The following USP9X variants were observed in gnomAD, a reference collection of about 807,000 sequenced individuals.
USP9X encodes the protein ubiquitin specific peptidase 9 X-linked, also known as ubiquitin carboxyl-terminal hydrolase 9X.
USP9X carries 7 observed loss-of-function variants against 190.3 expected under a neutral mutation model. The observed-to-expected ratio is 0.04, with a 90% CI of 0.02 to 0.07. The LOEUF (loss-of-function observed/expected upper bound fraction) is 0.07, where lower values mean the gene tolerates loss of function less well. USP9X is among the 10% of genes least tolerant of loss of function. The pLI is 1.00. For missense variants in USP9X, 1,010 were observed against 1,916.9 expected (o/e 0.53, Z 8.83); for synonymous variants, 645 against 659.5 (o/e 0.98, Z 0.34).
intron 6 of USP9X, among the ~76,000 whole-genome samples, chrX:41,139,849 C>G (rs1418149711): frequency 9.0e-6 from 1 of 111,589 alleles, no homozygotes; most frequent in Non-Finnish European, 1.9e-5. Flanking sequence ...CCAGTGGCTT[C>G]TAAAACATGG....
At chrX:41,163,827 G>A (rs1351595525) in intron 15 of USP9X, among the ~76,000 whole-genome samples, 1 of 110,673 alleles carries the variant, frequency 9.0e-6, no homozygotes, top group African/African-American at 3.3e-5. Context: ...GATTACAAGT[G>A]TGCTAACAGA....
At chrX:41,163,211 A>G (rs72624299) in intron 15 of USP9X, among the ~76,000 whole-genome samples, 1 of 111,405 alleles carries the variant, frequency 9.0e-6, no homozygotes. Flanking sequence ...TATCATAGAC[A>G]CTAAGGAAAC....
chrX:41,125,678 A>ACCCTCTCTCT (rs1353372304), intron 2 of USP9X, among the ~76,000 whole-genome samples: 1 of 33,892 alleles, frequency 3.0e-5, no homozygotes, highest in Admixed American at 5.1e-4. Flanking sequence ...ACACACACAC[A>ACCCTCTCTCT]CACACACTCT....
chrX:41,095,279 G>A, intron 1 of USP9X, among the ~76,000 whole-genome samples: 1 of 111,887 alleles, frequency 8.9e-6, no homozygotes, highest in Admixed American at 9.5e-5. Context: ...GGCATTGGGT[G>A]AGGTCTTCAA....
intron 1 of USP9X, among the ~76,000 whole-genome samples, chrX:41,097,503 T>C (rs1396738633): frequency 8.9e-6 from 1 of 111,978 alleles, no homozygotes; most frequent in Non-Finnish European, 1.9e-5. Flanking sequence ...CTTTTGTTTA[T>C]GTGGGGTTAC....
intron 1 of USP9X, among the ~76,000 whole-genome samples, chrX:41,111,919 C>T (rs1172254147): frequency 7.5e-5 from 8 of 107,188 alleles, no homozygotes; most frequent in African/African-American, 2.7e-4. Context: ...AATCTTGGCT[C>T]ACTGCAACCT....
At chrX:41,179,236 A>AT (rs202224467) in intron 21 of USP9X, among the ~76,000 whole-genome samples, 3,943 of 110,967 alleles carry the variant, frequency 0.036, 176 homozygotes, top group African/African-American at 0.12. Context: ...TGTTTTTTGT[A>AT]TTTTTTTGTT....
chrX:41,099,142 C>G (rs1391449246), intron 1 of USP9X, among the ~76,000 whole-genome samples: 2 of 75,232 alleles, frequency 2.7e-5, no homozygotes, highest in Non-Finnish European at 4.7e-5. Context: ...TGGAGTCTCA[C>G]TATGTTGCTC....
chrX:41,120,520 CAG>C (rs1417944639), intron 1 of USP9X, among the ~76,000 whole-genome samples: 2 of 111,344 alleles, frequency 1.8e-5, no homozygotes, highest in Admixed American at 9.6e-5. Context: ...GTGTGTGTGA[CAG>C]AGTCTCGCTC....
Position 41,120,055 on chromosome X carries a change from A to T in USP9X, c.-158-3416A>T, listed in dbSNP as rs901664253. Among the ~76,000 whole-genome samples, 5 of 111,371 alleles carry T rather than the reference A, an allele frequency of 4.5e-5. No homozygotes were observed. In the Admixed American group the frequency reaches 4.7e-4, roughly 11 times the overall value. On this transcript the variant is annotated intron_variant, in intron 1 of 44. Transcript: ENST00000378308. ...ATTTAAAGAGCTTCTATGTCTTTAG[A>T]CTCACCAGTACTTGATAGTATCAGT...
At position 41,156,725 on chromosome X, in the gene USP9X, G is replaced by T. The variant is rs192766824; in HGVS notation, c.1897+3644G>T. ...TCCTGAACAGTAACATAGATGTTCT[G>T]TCCAGATGGAGAGAGAAGGTGTGAG... On this transcript the variant is annotated intron_variant, in intron 14 of 44. Transcript: ENST00000378308. Among the ~76,000 whole-genome samples the T allele has an allele frequency of 4.6e-3, 520 of 112,045 alleles. 1 individual carries two copies. Among genetic ancestry groups the T allele is most frequent in the Non-Finnish European group, 7.0e-3 (372 of 53,171 alleles).
rs2063391380 is a variant in USP9X at position 41,235,155 on chromosome X, A to T, written c.*2631A>T. 8.9e-6 allele frequency: 1 copy of T among 111,961 alleles called. No individual in the cohort carries two copies. Among genetic ancestry groups the T allele is most frequent in the South Asian group, 3.7e-4 (1 of 2,680 alleles). 9.2% of individuals were successfully genotyped at this position (111,961 alleles called of 1,213,427 possible). A position where few individuals can be genotyped will look rare whatever the true frequency, so the allele number is the denominator to read the frequency against. On this transcript the variant is annotated 3_prime_UTR_variant, in exon 45 of 45. Coordinates refer to ENST00000378308, the MANE Select transcript of USP9X (RefSeq NM_001039591.3). ...CCTTGTGCCAGGTGAGGGGCTTGTG[A>T]GTCATTTTTGTCTCCATTTGAGGAA...
At chrX:41,222,797 AGCT>A (rs1225206653) in intron 38 of USP9X, among the ~76,000 whole-genome samples, 3 of 111,278 alleles carry the variant, frequency 2.7e-5, no homozygotes, top group Non-Finnish European at 5.7e-5. Context: ...CCTGTAGTCC[AGCT>A]ACTGGGGAGG....
chrX:41,226,655 G>A (rs1311135052), intron 41 of USP9X, among the ~76,000 whole-genome samples: 1 of 112,075 alleles, frequency 8.9e-6, no homozygotes, highest in African/African-American at 3.2e-5. Context: ...TGTAAAAATA[G>A]CATTAAACCA....
At chrX:41,206,812 C>G (rs1431793023) in intron 32 of USP9X, among the ~76,000 whole-genome samples, 1 of 107,816 alleles carries the variant, frequency 9.3e-6, no homozygotes, top group Non-Finnish European at 1.9e-5. Flanking sequence ...AGTCTTTGCT[C>G]TGTCGCCCAG....
At position 41,233,227 on chromosome X, in the gene USP9X, A is replaced by G. The variant is rs1479319280; in HGVS notation, c.*703A>G. Reference sequence around the variant, plus strand: ...AGCCAATGAGGAAAAAGTTACCATAATGACAGCAGTTGTCCGAGAAGTGAC... The same window carrying G: ...AGCCAATGAGGAAAAAGTTACCATAGTGACAGCAGTTGTCCGAGAAGTGAC... On this transcript the variant is annotated 3_prime_UTR_variant, in exon 45 of 45. Transcript: ENST00000378308. The G allele has an allele frequency of 2.7e-5, 3 of 112,416 alleles. No individual in the cohort carries two copies. The allele number at this position is 112,416 out of a possible 1,213,427, so 9.3% of individuals were successfully genotyped here.
intron 1 of USP9X, among the ~76,000 whole-genome samples, chrX:41,120,619 T>C (rs2062182977): frequency 9.1e-6 from 1 of 109,651 alleles, no homozygotes; most frequent in South Asian, 3.9e-4. Flanking sequence ...TGCCTCAGCC[T>C]CTCCAGGTAG....
chrX:41,090,985 C>T (rs1442618941), intron 1 of USP9X, among the ~76,000 whole-genome samples: 1 of 110,802 alleles, frequency 9.0e-6, no homozygotes, highest in Non-Finnish European at 1.9e-5. Context: ...CTTTTTAATC[C>T]GTTCAACAAA....
intron 1 of USP9X, among the ~76,000 whole-genome samples, chrX:41,113,676 A>G (rs1312124313): frequency 4.5e-5 from 5 of 111,576 alleles, no homozygotes; most frequent in African/African-American, 1.6e-4. Flanking sequence ...TGTGTGGTCC[A>G]CTTTCACTGC....
Sources: allele counts gnomAD v4.1 joint callset (sites outside exome capture counted in the v4.1 genomes callset), GRCh38; gene constraint gnomAD v4.1.1; transcripts MANE v1.5; gene names NCBI Gene and HGNC (gene_info 2026-07-23, HGNC 2026-07-21).